CYRIA: variants seen among roughly 807,000 people sequenced by gnomAD.
The protein encoded by CYRIA is CYFIP-related Rac1 interactor A.
CYRIA carries 15 observed loss-of-function variants against 43.9 expected under a neutral mutation model. The ratio of observed to expected loss-of-function variants is 0.34; its 90% CI spans 0.23 to 0.53. The LOEUF (loss-of-function observed/expected upper bound fraction) is 0.53. Among genes scored for constraint, CYRIA ranks in the 20% least tolerant of loss-of-function variants. The pLI, the probability that CYRIA is intolerant of heterozygous loss-of-function variation, is 0.94. For missense variants in CYRIA, 236 were observed against 394.2 expected (o/e 0.60, Z 3.40); for synonymous variants, 117 against 136.0 (o/e 0.86, Z 0.97).
At chr2:16,577,369 A>AC (rs1323586386) in intron 3 of CYRIA, among the ~76,000 whole-genome samples, 2 of 152,194 alleles carry the variant, frequency 1.3e-5, no homozygotes, top group African/African-American at 4.8e-5. Context: ...AATATGTAAC[A>AC]CATTTTCATA....
chr2:16,587,214 G>A (rs1667761370), intron 3 of CYRIA, among the ~76,000 whole-genome samples: 1 of 152,044 alleles, frequency 6.6e-6, no homozygotes, highest in Non-Finnish European at 1.5e-5. Context: ...TTCTGGTATT[G>A]ATCACAATTT....
chr2:16,579,741 GTTTGA>G (rs1327221717), intron 3 of CYRIA, among the ~76,000 whole-genome samples: 2 of 151,834 alleles, frequency 1.3e-5, no homozygotes, highest in Non-Finnish European at 2.9e-5. Flanking sequence ...ATCCCAAACA[GTTTGA>G]TTTATCAGAA....
chr2:16,583,587 C>T (rs546009947), intron 3 of CYRIA, among the ~76,000 whole-genome samples: 45 of 152,274 alleles, frequency 3.0e-4, no homozygotes, highest in African/African-American at 1.0e-3. Context: ...AAGGTTAATG[C>T]CTACTGCCCA....
intron 4 of CYRIA, among the ~76,000 whole-genome samples, chr2:16,565,275 C>T (rs1666886549): frequency 6.6e-6 from 1 of 151,830 alleles, no homozygotes; most frequent in African/African-American, 2.4e-5. Context: ...CTCTGCTTCC[C>T]AGGTTCAAGT....
chr2:16,616,321 T>G (rs1326217803), intron 2 of CYRIA, among the ~76,000 whole-genome samples: 1 of 152,200 alleles, frequency 6.6e-6, no homozygotes, highest in East Asian at 1.9e-4. Flanking sequence ...CCAAAAACTC[T>G]TTGTTGAACA....
chr2:16,645,975 A>T (rs1669807764), intron 1 of CYRIA, among the ~76,000 whole-genome samples: 1 of 152,252 alleles, frequency 6.6e-6, no homozygotes. Flanking sequence ...TGTCCCTGAC[A>T]GTTTGTGACA....
At chr2:16,628,766 C>T (rs918906490) in intron 1 of CYRIA, among the ~76,000 whole-genome samples, 1 of 152,142 alleles carries the variant, frequency 6.6e-6, no homozygotes, top group African/African-American at 2.4e-5. Context: ...GGTAGAGGAC[C>T]CTTCTGGGCA....
chr2:16,564,692 G>A (rs561785460), intron 4 of CYRIA, among the ~76,000 whole-genome samples: 7 of 152,202 alleles, frequency 4.6e-5, no homozygotes, highest in South Asian at 4.1e-4. Flanking sequence ...GTGTATGTGT[G>A]TATTGGCATG....
At chr2:16,661,857 T>G (rs915820589) in intron 1 of CYRIA, among the ~76,000 whole-genome samples, 1 of 152,168 alleles carries the variant, frequency 6.6e-6, no homozygotes, top group Non-Finnish European at 1.5e-5. Flanking sequence ...CCTTTCCCCA[T>G]TTTCTTAACT....
At chr2:16,580,835 T>C (rs1192309443) in intron 3 of CYRIA, among the ~76,000 whole-genome samples, 3 of 152,164 alleles carry the variant, frequency 2.0e-5, no homozygotes, top group African/African-American at 7.2e-5. Context: ...TCACACATAT[T>C]ACAATTAGCA....
In CYRIA at chr2:16,552,893, T is replaced by A. The variant is rs755676885; in HGVS notation, c.*43A>T. 3 of 1,191,904 alleles carry A rather than the reference T, an allele frequency of 2.5e-6. No homozygotes were observed. The highest frequency in any genetic ancestry group is 1.2e-5 in the South Asian group (1 of 82,614). The allele number at this position is 1,191,904 out of a possible 1,614,324, so 73.8% of individuals were successfully genotyped here. A position where few individuals can be genotyped will look rare whatever the true frequency, so the allele number is the denominator to read the frequency against. On this transcript the variant is annotated 3_prime_UTR_variant, in exon 12 of 12. Transcript: ENST00000381323. ...GTATTAAATTATGTAAACATATACA[T>A]CTTCTGAGGTCAGCACATAGATCCT...
intron 1 of CYRIA, among the ~76,000 whole-genome samples, chr2:16,628,429 C>T (rs962970604): frequency 1.3e-5 from 2 of 152,168 alleles, no homozygotes; most frequent in Admixed American, 1.3e-4. Context: ...AGTGACTTAC[C>T]CACAACTGTG....
At chr2:16,580,529 G>T (rs544754975) in intron 3 of CYRIA, among the ~76,000 whole-genome samples, 5 of 152,124 alleles carry the variant, frequency 3.3e-5, no homozygotes, top group Non-Finnish European at 7.4e-5. Context: ...TATATTCACA[G>T]ATAGGAAAAA....
intron 4 of CYRIA, 51 bp downstream of exon 4, chr2:16,565,595 T>G: frequency 2.7e-6 from 4 of 1,492,972 alleles, no homozygotes; most frequent in Non-Finnish European, 3.6e-6. Context: ...GCATGTGTGG[T>G]TTTCCTTCCC....
chr2:16,589,934 T>C (rs1048221894), intron 2 of CYRIA, among the ~76,000 whole-genome samples: 9 of 152,198 alleles, frequency 5.9e-5, no homozygotes, highest in African/African-American at 2.2e-4. Flanking sequence ...TCATTGGCGA[T>C]ATTTAAGTAG....
chr2:16,617,256 G>T (rs1259687270), intron 2 of CYRIA, among the ~76,000 whole-genome samples: 1 of 152,172 alleles, frequency 6.6e-6, no homozygotes, highest in African/African-American at 2.4e-5. Context: ...GGAAACACTG[G>T]CCAAGTTGGT....
intron 2 of CYRIA, among the ~76,000 whole-genome samples, chr2:16,612,999 C>T (rs886401067): frequency 1.3e-5 from 2 of 152,180 alleles, no homozygotes; most frequent in African/African-American, 2.4e-5. Flanking sequence ...TGCCTGCTAC[C>T]GTGTAAGATG....
chr2:16,635,081 T>C (rs537443174), intron 1 of CYRIA, among the ~76,000 whole-genome samples: 1 of 152,198 alleles, frequency 6.6e-6, no homozygotes, highest in Non-Finnish European at 1.5e-5. Context: ...GTAAAGGACA[T>C]AAAGAGCACT....
At chr2:16,593,847 G>A (rs1668021631) in intron 2 of CYRIA, among the ~76,000 whole-genome samples, 1 of 146,944 alleles carries the variant, frequency 6.8e-6, no homozygotes, top group African/African-American at 2.5e-5. Context: ...TCTAGCATTA[G>A]GTATATCTCC....
Sources: gnomAD v4.1 joint callset for allele counts (sites outside exome capture counted in the v4.1 genomes callset) on GRCh38, gnomAD v4.1.1 for gene constraint, MANE v1.5 for transcripts, NCBI Gene and HGNC (gene_info 2026-07-23, HGNC 2026-07-21) for gene names.